The following IL1RAPL2 variants were observed in gnomAD, a reference collection of about 807,000 sequenced individuals.
IL1RAPL2 encodes the protein interleukin 1 receptor accessory protein like 2, also known as X-linked interleukin-1 receptor accessory protein-like 2.
In IL1RAPL2, 3 loss-of-function variants were observed where a neutral mutation model predicts 44.1. The ratio of observed to expected loss-of-function variants is 0.07; its 90% confidence interval spans 0.03 to 0.18. IL1RAPL2 has a LOEUF of 0.18. Ranked by LOEUF, IL1RAPL2 falls within the 10% of genes least tolerant of loss-of-function variation. The pLI is 1.00. For synonymous variants in IL1RAPL2, 181 were observed against 178.8 expected (o/e 1.01, Z -0.10); for missense variants, 391 against 496.4 (o/e 0.79, Z 2.02).
At chrX:104,632,430 G>T (rs1929672632) in intron 1 of IL1RAPL2, among the ~76,000 whole-genome samples, 1 of 111,587 alleles carries the variant, frequency 9.0e-6, no homozygotes, top group African/African-American at 3.3e-5. Context: ...AATTACCTTG[G>T]ACAGTGTGGC....
In IL1RAPL2 at chrX:105,325,541, T is replaced by TTATATATA. The variant is rs3035842; in HGVS notation, c.697+58029_697+58036dup. Among the ~76,000 whole-genome samples the TTATATATA allele has an allele frequency of 9.7e-3, 734 of 75,954 alleles. 20 individuals carry two copies. Among genetic ancestry groups the TTATATATA allele is most frequent in the African/African-American group, 0.048 (683 of 14,234 alleles). The allele number at this position is 75,954 out of a possible 115,157, so 66.0% of individuals were successfully genotyped here. ...TGTTTTCATTTTATCTCTCTTGGTT[T>TTATATATA]TATATATATATATATATATATATAT... On this transcript the variant is annotated intron_variant, in intron 5 of 10. Transcript: ENST00000372582.
At chrX:105,293,809 A>C (rs889045785) in intron 5 of IL1RAPL2, among the ~76,000 whole-genome samples, 2 of 111,774 alleles carry the variant, frequency 1.8e-5, no homozygotes, top group African/African-American at 6.5e-5. Context: ...TAAGTCCCTC[A>C]AGCTCTAAGG....
intron 1 of IL1RAPL2, among the ~76,000 whole-genome samples, chrX:104,607,133 T>C (rs2148002613): frequency 8.9e-6 from 1 of 112,075 alleles, no homozygotes; most frequent in South Asian, 3.7e-4. Flanking sequence ...AAACCAGCAA[T>C]GGGGAAAATA....
chrX:105,554,407 G>A (rs149236504), intron 6 of IL1RAPL2, among the ~76,000 whole-genome samples: 102 of 111,492 alleles, frequency 9.1e-4, no homozygotes, highest in African/African-American at 3.1e-3. Context: ...TCTTGGTGTG[G>A]TATTCTTTGT....
intron 2 of IL1RAPL2, among the ~76,000 whole-genome samples, chrX:104,964,291 T>TATTA (rs965706571): frequency 3.8e-5 from 4 of 105,702 alleles, no homozygotes; most frequent in African/African-American, 1.4e-4. Context: ...TTTATTTATT[T>TATTA]ATTTATTTAT....
chrX:105,636,210 T>C (rs1485160102), intron 6 of IL1RAPL2, among the ~76,000 whole-genome samples: 5 of 110,893 alleles, frequency 4.5e-5, no homozygotes, highest in African/African-American at 1.6e-4. Flanking sequence ...AAGACATTTA[T>C]TAGGTAACCC....
intron 10 of IL1RAPL2, among the ~76,000 whole-genome samples, chrX:105,762,401 G>A (rs1447868658): frequency 9.0e-6 from 1 of 111,268 alleles, no homozygotes; most frequent in Non-Finnish European, 1.9e-5. Context: ...TAGTGGCAAG[G>A]CATTGTATTC....
In IL1RAPL2 at chrX:105,112,035, C is replaced by T. The variant is rs192298741; in HGVS notation, c.83-83440C>T. 2.7e-5 allele frequency among the ~76,000 whole-genome samples: 3 copies of T among 111,846 alleles called. No individual in the cohort carries two copies. In the East Asian group the frequency reaches 8.4e-4, roughly 31 times the overall value. On this transcript the variant is annotated intron_variant, in intron 2 of 10. Transcript: ENST00000372582. Reference sequence around the variant, plus strand: ...GTACTTTACTGAGACACCTCCTGGGCCAATGAACCAACTCAAGCTCTGCCA... The same window carrying T: ...GTACTTTACTGAGACACCTCCTGGGTCAATGAACCAACTCAAGCTCTGCCA...
chrX:105,531,057 C>A (rs1429645302), intron 6 of IL1RAPL2, among the ~76,000 whole-genome samples: 1 of 111,822 alleles, frequency 8.9e-6, no homozygotes, highest in Non-Finnish European at 1.9e-5. Flanking sequence ...GCAGATATCT[C>A]TTCAATATAC....
chrX:105,727,184 C>T (rs774596949), intron 7 of IL1RAPL2, among the ~76,000 whole-genome samples: 8 of 111,383 alleles, frequency 7.2e-5, no homozygotes, highest in South Asian at 7.5e-4. Flanking sequence ...GGACCATTTA[C>T]GATGAATGAA....
chrX:105,122,099 T>C (rs1203596236), intron 2 of IL1RAPL2, among the ~76,000 whole-genome samples: 2 of 111,563 alleles, frequency 1.8e-5, no homozygotes, highest in East Asian at 5.6e-4. Context: ...ATATCCAGGT[T>C]ACCTTGTGAC....
intron 1 of IL1RAPL2, among the ~76,000 whole-genome samples, chrX:104,641,261 G>A (rs1929929696): frequency 9.0e-6 from 1 of 111,463 alleles, no homozygotes; most frequent in South Asian, 3.8e-4. Context: ...GGTGCCCACG[G>A]TGGTAGACTG....
chrX:105,243,670 A>T (rs1603029490), intron 4 of IL1RAPL2, among the ~76,000 whole-genome samples: 1 of 106,872 alleles, frequency 9.4e-6, no homozygotes, highest in East Asian at 2.9e-4. Flanking sequence ...TTTTAGTTCA[A>T]TAGGGTTTTC....
chrX:105,310,850 T>A (rs1423538451), intron 5 of IL1RAPL2, among the ~76,000 whole-genome samples: 6 of 111,873 alleles, frequency 5.4e-5, no homozygotes, highest in African/African-American at 1.9e-4. Flanking sequence ...TGTAATTTAT[T>A]GGGACATATT....
chrX:104,899,515 G>T (rs1434929165), intron 2 of IL1RAPL2, among the ~76,000 whole-genome samples: 1 of 111,754 alleles, frequency 8.9e-6, no homozygotes, highest in Non-Finnish European at 1.9e-5. Flanking sequence ...GGTTCTTTCT[G>T]TGTTCTGAGT....
intron 2 of IL1RAPL2, among the ~76,000 whole-genome samples, chrX:104,873,867 A>G (rs1922829079): frequency 8.9e-6 from 1 of 111,780 alleles, no homozygotes; most frequent in South Asian, 3.8e-4. Flanking sequence ...CTTGAAAATC[A>G]TTATTTTATG....
intron 5 of IL1RAPL2, among the ~76,000 whole-genome samples, chrX:105,275,210 CA>C (rs71914725): frequency 5.5e-4 from 52 of 93,981 alleles, no homozygotes; most frequent in Admixed American, 9.4e-4. Context: ...GACTCCATCT[CA>C]AAAAAAAAAA....
At chrX:104,646,949 G>C (rs1930052761) in intron 1 of IL1RAPL2, among the ~76,000 whole-genome samples, 1 of 111,738 alleles carries the variant, frequency 8.9e-6, no homozygotes, top group South Asian at 3.8e-4. Flanking sequence ...TTACTATATT[G>C]AGTAAAAAGT....
At chrX:105,665,750 T>G (rs75033741) in intron 6 of IL1RAPL2, among the ~76,000 whole-genome samples, 12,545 of 78,653 alleles carry the variant, frequency 0.16, 1,269 homozygotes, top group African/African-American at 0.21. Flanking sequence ...TTGTTTTTTT[T>G]TTTTTGTTGT....
Sources: gnomAD v4.1 joint callset for allele counts (sites outside exome capture counted in the v4.1 genomes callset) on GRCh38, gnomAD v4.1.1 for gene constraint, MANE v1.5 for transcripts, NCBI Gene and HGNC (gene_info 2026-07-23, HGNC 2026-07-21) for gene names.